Variants in DDAH1 observed in about 807,000 individuals in gnomAD.
DDAH1 encodes the protein dimethylarginine dimethylaminohydrolase 1.
DDAH1 carries 19 observed loss-of-function variants against 28.8 expected under a neutral mutation model. That is an observed-to-expected ratio of 0.66 (90% CI 0.46 to 0.97). DDAH1 has a LOEUF of 0.97. Among genes scored for constraint, DDAH1 ranks in the 50% least tolerant of loss-of-function variants. The pLI, the probability that DDAH1 is intolerant of heterozygous loss-of-function variation, is 0.00. For missense variants in DDAH1, 326 were observed against 375.9 expected, an observed-to-expected ratio of 0.87 and a Z score of 1.10; for synonymous variants, 153 against 154.4, an observed-to-expected ratio of 0.99 and a Z score of 0.07.
chr1:85,570,340 C>A (rs1659414566), intron 1 of DDAH1, among the ~76,000 whole-genome samples: 2 of 144,262 alleles, frequency 1.4e-5, no homozygotes. Flanking sequence ...GATCCTTAAC[C>A]TCCCTTCTCC....
chr1:85,492,227 A>G (rs1272357499), intron 2 of DDAH1, among the ~76,000 whole-genome samples: 1 of 152,116 alleles, frequency 6.6e-6, no homozygotes. Context: ...TTGTGTGTGT[A>G]ATAAGATAAT....
intron 1 of DDAH1, among the ~76,000 whole-genome samples, chr1:85,421,649 C>G (rs1267254327): frequency 3.3e-5 from 5 of 152,130 alleles, no homozygotes; most frequent in African/African-American, 4.8e-5. Context: ...TTCACTATTG[C>G]TAAAGTTTTG....
At chr1:85,555,529 C>T (rs185215834) in intron 1 of DDAH1, among the ~76,000 whole-genome samples, 6 of 152,220 alleles carry the variant, frequency 3.9e-5, no homozygotes, top group East Asian at 1.9e-4. Flanking sequence ...CTCATCTACT[C>T]GCCTCATTAT....
At chr1:85,442,201 CCA>C (rs1570549624) in intron 1 of DDAH1, among the ~76,000 whole-genome samples, 1 of 152,216 alleles carries the variant, frequency 6.6e-6, no homozygotes, top group East Asian at 1.9e-4. Flanking sequence ...ACGACAGGCC[CCA>C]GTGTGTGATG....
intron 1 of DDAH1, among the ~76,000 whole-genome samples, chr1:85,414,607 G>A (rs570144826): frequency 2.0e-5 from 3 of 152,264 alleles, no homozygotes; most frequent in Admixed American, 6.5e-5. Context: ...ACAATTGATC[G>A]ATAGGTACAG....
chr1:85,561,715 T>G (rs1319501950), intron 1 of DDAH1, among the ~76,000 whole-genome samples: 1 of 152,092 alleles, frequency 6.6e-6, no homozygotes, highest in African/African-American at 2.4e-5. Context: ...GTATAACATG[T>G]TAGGTGTAAT....
chr1:85,536,752 A>C (rs2100779965), intron 1 of DDAH1, among the ~76,000 whole-genome samples: 1 of 152,064 alleles, frequency 6.6e-6, no homozygotes, highest in Non-Finnish European at 1.5e-5. Context: ...AACAATATGG[A>C]AGTTCCTCTG....
intron 4 of DDAH1, among the ~76,000 whole-genome samples, chr1:85,348,507 A>T (rs1649003650): frequency 6.6e-6 from 1 of 152,146 alleles, no homozygotes; most frequent in South Asian, 2.1e-4. Flanking sequence ...ACCCACTAGA[A>T]ACTCTACGAG....
At chr1:85,329,064 G>A (rs1014016659) in intron 4 of DDAH1, among the ~76,000 whole-genome samples, 4 of 152,212 alleles carry the variant, frequency 2.6e-5, no homozygotes, top group African/African-American at 9.6e-5. Flanking sequence ...TTTATTCACT[G>A]GATCTAGCGG....
At chr1:85,492,712 A>C (rs1294464220) in intron 2 of DDAH1, among the ~76,000 whole-genome samples, 1 of 152,208 alleles carries the variant, frequency 6.6e-6, no homozygotes, top group Non-Finnish European at 1.5e-5. Context: ...TGTAGCATTA[A>C]GATATATATA....
At chr1:85,500,926 C>A (rs1656798293) in intron 1 of DDAH1, among the ~76,000 whole-genome samples, 1 of 150,222 alleles carries the variant, frequency 6.7e-6, no homozygotes, top group African/African-American at 2.4e-5. Context: ...AGCTGGTTTT[C>A]TTTTATACTT....
rs1416636548 is a variant in DDAH1, at chr1:85,343,675, T to TTCAA, written c.597+6736_597+6739dup. ...AATGCAAAGTCTTTATTTTTTCCAT[T>TTCAA]TCAATCACCCTGTTGATATGAGCTA... On this transcript the variant is annotated intron_variant, in intron 4 of 5. Transcript: ENST00000284031. Among the ~76,000 whole-genome samples the TTCAA allele has an allele frequency of 2.6e-5, 4 of 152,248 alleles. No homozygotes were observed. In the East Asian group the frequency reaches 5.8e-4, roughly 22 times the overall value.
intron 1 of DDAH1, among the ~76,000 whole-genome samples, chr1:85,550,799 A>C (rs1474894553): frequency 6.6e-6 from 1 of 152,172 alleles, no homozygotes; most frequent in Non-Finnish European, 1.5e-5. Flanking sequence ...GCACGTATGT[A>C]TTAACTTGAG....
At chr1:85,419,337 G>A (rs565035067) in intron 1 of DDAH1, among the ~76,000 whole-genome samples, 8 of 151,830 alleles carry the variant, frequency 5.3e-5, no homozygotes, top group South Asian at 2.1e-4. Flanking sequence ...TCAGGAGTTC[G>A]AGACCACCCT....
At chr1:85,442,714 T>C (rs372247986) in intron 1 of DDAH1, among the ~76,000 whole-genome samples, 36 of 152,236 alleles carry the variant, frequency 2.4e-4, no homozygotes, top group African/African-American at 7.9e-4. Flanking sequence ...TTTTAATGAT[T>C]GCCATTCTAA....
chr1:85,339,280 C>T (rs1194979834), intron 4 of DDAH1, among the ~76,000 whole-genome samples: 5 of 152,104 alleles, frequency 3.3e-5, no homozygotes, highest in Non-Finnish European at 5.9e-5. Context: ...AACCCTATAA[C>T]GATGAGTCAC....
chr1:85,492,490 C>T (rs148804325), intron 2 of DDAH1, among the ~76,000 whole-genome samples: 34 of 152,182 alleles, frequency 2.2e-4, no homozygotes, highest in African/African-American at 7.5e-4. Context: ...CAGTAAAACT[C>T]GAAAGGATAT....
chr1:85,524,860 T>C (rs1657810144), intron 1 of DDAH1, among the ~76,000 whole-genome samples: 1 of 145,756 alleles, frequency 6.9e-6, no homozygotes, highest in Non-Finnish European at 1.5e-5. Context: ...GATGCATAGT[T>C]TCTTCTGTCA....
At chr1:85,377,160 C>T (rs1173466551) in intron 1 of DDAH1, among the ~76,000 whole-genome samples, 1 of 152,102 alleles carries the variant, frequency 6.6e-6, no homozygotes, top group Non-Finnish European at 1.5e-5. Flanking sequence ...TGACTCTCCC[C>T]TGCCACAGAG....
Sources: gnomAD v4.1 joint callset for allele counts (sites outside exome capture counted in the v4.1 genomes callset) on GRCh38, gnomAD v4.1.1 for gene constraint, MANE v1.5 for transcripts, NCBI Gene and HGNC (gene_info 2026-07-23, HGNC 2026-07-21) for gene names.